Variants in ANO4 observed in about 807,000 individuals in gnomAD.
ANO4 encodes anoctamin-4.
ANO4 carries 69 observed loss-of-function variants against 141.9 expected under a neutral mutation model. The ratio of observed to expected loss-of-function variants is 0.49; its 90% CI spans 0.40 to 0.59. ANO4 has a LOEUF of 0.59. Ranked by LOEUF, ANO4 falls within the 20% of genes least tolerant of loss-of-function variation. The probability of loss-of-function intolerance (pLI) is 0.00; values close to 1 mark genes in which losing one functional copy is unlikely to be tolerated. For missense variants in ANO4, 894 were observed against 1,162.2 expected (o/e 0.77, Z 3.36); for synonymous variants, 350 against 394.3 (o/e 0.89, Z 1.33).
rs548519091 is a variant in ANO4, at chr12:100,949,922, C to T, written c.456+7387C>T. ...TGTCCATCCCAGTGTTTCTTTACCCCCATTCAAAGGAAATCTTCACAAAGA... is the reference window on the plus strand; with the variant it reads ...TGTCCATCCCAGTGTTTCTTTACCCTCATTCAAAGGAAATCTTCACAAAGA... On this transcript the variant is annotated intron_variant, in intron 5 of 27. Transcript: ENST00000392977. 3.4e-4 allele frequency among the ~76,000 whole-genome samples: 52 copies of T among 152,226 alleles called. No homozygotes were observed. In the Middle Eastern group the frequency reaches 0.01, roughly 30 times the overall value.
At chr12:100,742,255 T>C (rs771873275) in intron 3 of ANO4, among the ~76,000 whole-genome samples, 1 of 152,176 alleles carries the variant, frequency 6.6e-6, no homozygotes, top group African/African-American at 2.4e-5. Context: ...ACAATGACTA[T>C]GTGTAGGCCA....
chr12:101,097,757 A>G (rs377029658), intron 20 of ANO4, 49 bp downstream of exon 20: 35 of 1,608,026 alleles, frequency 2.2e-5, no homozygotes, highest in African/African-American at 6.7e-5. Context: ...TGCATTAAAC[A>G]GCCTTAGGGC....
At chr12:100,723,989 G>C (rs2030983222) in intron 1 of ANO4, among the ~76,000 whole-genome samples, 1 of 151,184 alleles carries the variant, frequency 6.6e-6, no homozygotes, top group South Asian at 2.1e-4. Flanking sequence ...GTCAGGCACT[G>C]TTGTAGGTTC....
intron 3 of ANO4, among the ~76,000 whole-genome samples, chr12:100,773,703 G>C (rs2033384847): frequency 6.6e-6 from 1 of 152,122 alleles, no homozygotes; most frequent in East Asian, 1.9e-4. Context: ...TTGGTTCTTT[G>C]CTTTAAAAAA....
chr12:101,046,976 G>A (rs539678473), intron 13 of ANO4, among the ~76,000 whole-genome samples: 77 of 152,306 alleles, frequency 5.1e-4, no homozygotes, highest in Non-Finnish European at 6.6e-4. Flanking sequence ...GAGGCTGGGC[G>A]CGGTGGCTCA....
intron 3 of ANO4, among the ~76,000 whole-genome samples, chr12:100,743,604 G>C (rs2031969146): frequency 6.6e-6 from 1 of 151,888 alleles, no homozygotes; most frequent in African/African-American, 2.4e-5. Flanking sequence ...GAAATATTTT[G>C]AGGACAAAAA....
chr12:100,925,840 T>TAC (rs1293444550), intron 3 of ANO4, among the ~76,000 whole-genome samples: 18 of 133,536 alleles, frequency 1.3e-4, no homozygotes, highest in South Asian at 8.1e-4. Context: ...TATACATACA[T>TAC]ATATATACAC....
chr12:100,980,359 C>A (rs1360869472), intron 7 of ANO4, among the ~76,000 whole-genome samples: 2 of 152,128 alleles, frequency 1.3e-5, no homozygotes, highest in African/African-American at 2.4e-5. Context: ...TTGCATCTAC[C>A]TTAACTCTTC....
At chr12:101,017,632 G>A (rs1001994344) in intron 8 of ANO4, among the ~76,000 whole-genome samples, 23 of 152,192 alleles carry the variant, frequency 1.5e-4, no homozygotes, top group African/African-American at 5.1e-4. Flanking sequence ...AGGCAAGCGA[G>A]CAAACAGAGT....
intron 1 of ANO4, among the ~76,000 whole-genome samples, chr12:100,850,011 A>C (rs2037785943): frequency 6.6e-6 from 1 of 152,194 alleles, no homozygotes; most frequent in South Asian, 2.1e-4. Context: ...GATGAGTTGA[A>C]AGTATTTGAG....
At position 100,748,074 on chromosome 12, in the gene ANO4, T is replaced by A. The variant is rs1474805975; in HGVS notation, c.358+7969T>A. On this transcript the variant is annotated intron_variant, in intron 3 of 29. Transcript: ENST00000644049. ...TTGACGGGGAAGATGTTCACTCACCTTTCCTGGTGACCTTACCGAGCTTAC... is the reference window on the plus strand; with the variant it reads ...TTGACGGGGAAGATGTTCACTCACCATTCCTGGTGACCTTACCGAGCTTAC... Among the ~76,000 whole-genome samples the A allele has an allele frequency of 2.0e-5, 3 of 152,168 alleles. No individual in the cohort carries two copies. In the East Asian group the frequency reaches 5.8e-4, roughly 29 times the overall value.
At chr12:100,721,852 A>ATTT (rs377385548) in intron 1 of ANO4, among the ~76,000 whole-genome samples, 3 of 133,512 alleles carry the variant, frequency 2.2e-5, no homozygotes, top group Admixed American at 7.4e-5. Flanking sequence ...CTAACTTTTA[A>ATTT]TTTTTTTTTT....
intron 1 of ANO4, among the ~76,000 whole-genome samples, chr12:100,877,922 G>A (rs1472723497): frequency 2.6e-5 from 4 of 152,128 alleles, no homozygotes; most frequent in Non-Finnish European, 2.9e-5. Context: ...ATATTTCAGA[G>A]CTGTTCTTAA....
intron 12 of ANO4, among the ~76,000 whole-genome samples, chr12:101,043,251 T>C (rs1283142428): frequency 6.6e-6 from 1 of 152,214 alleles, no homozygotes; most frequent in East Asian, 1.9e-4. Flanking sequence ...CTTTGAAAAG[T>C]GAAGGACATT....
rs979875621 is a variant in ANO4 at position 100,895,096 on chromosome 12, C to T, written c.-140-6550C>T. Among the ~76,000 whole-genome samples, 3 of 151,748 alleles carry T rather than the reference C, an allele frequency of 2.0e-5. No homozygotes were observed. In the East Asian group the frequency reaches 5.8e-4, roughly 29 times the overall value. ...CAGGAAGGCGAAGCACTGGATTTAC[C>T]CTCCACTTTGCAGTTAAAGAGGAAA... On this transcript the variant is annotated intron_variant, in intron 1 of 27. Coordinates refer to ENST00000392977, the MANE Select transcript of ANO4 (RefSeq NM_001286615.2).
At chr12:101,060,263 G>A (rs562399500) in intron 14 of ANO4, among the ~76,000 whole-genome samples, 344 of 152,228 alleles carry the variant, frequency 2.3e-3, no homozygotes, top group African/African-American at 7.8e-3. Flanking sequence ...TATGATTTCC[G>A]TTCTTTTGCA....
At chr12:100,925,828 T>TAC (rs2041847391) in intron 3 of ANO4, among the ~76,000 whole-genome samples, 7 of 93,954 alleles carry the variant, frequency 7.5e-5, no homozygotes, top group South Asian at 3.4e-4. Flanking sequence ...TACATACATA[T>TAC]ATATACATAC....
rs1344030006 is a variant in ANO4, at chr12:100,867,961, G to C, written c.-140-33685G>C. On this transcript the variant is annotated intron_variant, in intron 1 of 27. Coordinates refer to ENST00000392977, the MANE Select transcript of ANO4 (RefSeq NM_001286615.2). ...TATATCTGCTTCTACTATACAATAT[G>C]GTACTGGGGAAATAACATCAGGATG... Among the ~76,000 whole-genome samples the C allele has an allele frequency of 2.6e-5, 4 of 152,246 alleles. No homozygotes were observed. The South Asian group carries it at 8.3e-4, about 32-fold the overall frequency.
At chr12:101,002,069 T>TTC (rs2045668435) in intron 8 of ANO4, among the ~76,000 whole-genome samples, 1 of 152,116 alleles carries the variant, frequency 6.6e-6, no homozygotes, top group Admixed American at 6.5e-5. Flanking sequence ...CTTTCGGCCC[T>TTC]TCTCCTCCTT....
Sources: gnomAD v4.1 joint callset for allele counts (sites outside exome capture counted in the v4.1 genomes callset) on GRCh38, gnomAD v4.1.1 for gene constraint, MANE v1.5 for transcripts, NCBI Gene and HGNC (gene_info 2026-07-23, HGNC 2026-07-21) for gene names.